TSPAN11: variants seen among roughly 807,000 people sequenced by gnomAD.
TSPAN11 encodes tetraspanin 11, also known as tetraspanin-11.
In TSPAN11, 29 loss-of-function variants were observed where a neutral mutation model predicts 32.9. The observed-to-expected ratio is 0.88, with a 90% CI of 0.66 to 1.20. The LOEUF is 1.20. Ranked by LOEUF, TSPAN11 falls within the 50% of genes most tolerant of loss-of-function variation. The probability of loss-of-function intolerance (pLI) is 0.00; values close to 1 mark genes in which losing one functional copy is unlikely to be tolerated. For missense variants in TSPAN11, 283 were observed against 329.1 expected (o/e 0.86, Z 1.08); for synonymous variants, 140 against 141.3 (o/e 0.99, Z 0.07).
chr12:30,927,163 T>C (rs899361189), intron 1 of TSPAN11, among the ~76,000 whole-genome samples: 1 of 152,236 alleles, frequency 6.6e-6, no homozygotes, highest in Non-Finnish European at 1.5e-5. Flanking sequence ...AAAATGTCAT[T>C]CTTTGTCCAC....
At chr12:30,982,505 AGCCTCT>A (rs748981732) in intron 5 of TSPAN11, 21 bp from the exon 6 acceptor site, 292 of 1,593,076 alleles carry the variant, frequency 1.8e-4, no homozygotes, top group Non-Finnish European at 2.1e-4. Flanking sequence ...TCTCACCTCC[AGCCTCT>A]GCCTCTGCCT....
chr12:30,988,176 C>T (rs1029099805), intron 7 of TSPAN11, among the ~76,000 whole-genome samples: 1 of 152,222 alleles, frequency 6.6e-6, no homozygotes, highest in Non-Finnish European at 1.5e-5. Context: ...AGTTTCAGAC[C>T]TGGACAGGAT....
chr12:30,943,414 GATT>G (rs1202853001), intron 1 of TSPAN11, among the ~76,000 whole-genome samples: 1 of 152,220 alleles, frequency 6.6e-6, no homozygotes, highest in Non-Finnish European at 1.5e-5. Context: ...TCCATCATGG[GATT>G]ATTTTTAGGA....
At chr12:30,981,510 G>A (rs912826362) in intron 5 of TSPAN11, among the ~76,000 whole-genome samples, 2 of 152,120 alleles carry the variant, frequency 1.3e-5, no homozygotes, top group African/African-American at 2.4e-5. Flanking sequence ...GCAGAGTCAC[G>A]TGGAATGTGC....
the TSPAN11 span, chr12:31,005,840 GC>G: frequency 5.1e-6 from 1 of 197,596 alleles, no homozygotes; most frequent in Non-Finnish European, 1.1e-5. Context: ...AGAAGGCCAA[GC>G]CCAGGATCTG....
chr12:30,953,477 C>T lies in TSPAN11; in HGVS notation c.-11-504C>T, dbSNP rs149034277. Among the ~76,000 whole-genome samples, 579 of 152,188 alleles carry T rather than the reference C, an allele frequency of 3.8e-3. 6 individuals carry two copies. Among genetic ancestry groups the T allele is most frequent in the African/African-American group, 0.013 (557 of 41,538 alleles). ...CCTCATCTGAAAAGTCAAGCTGCAGCGGCCAGGTGGGGTGGACTGGGTGAT... is the reference window on the plus strand; with the variant it reads ...CCTCATCTGAAAAGTCAAGCTGCAGTGGCCAGGTGGGGTGGACTGGGTGAT... On this transcript the variant is annotated intron_variant, in intron 1 of 7. Transcript: ENST00000546076.
intron 1 of TSPAN11, among the ~76,000 whole-genome samples, chr12:30,937,171 T>A (rs7979660): frequency 0.61 from 93,444 of 152,006 alleles, 29,670 homozygotes; most frequent in East Asian, 0.75. Flanking sequence ...TGACTTTGGG[T>A]TAAGTGGGCG....
chr12:30,996,607 C>G (rs578224339), downstream of TSPAN11: 10 of 152,318 alleles, frequency 6.6e-5, no homozygotes, highest in African/African-American at 2.4e-4. Flanking sequence ...GGACTACCTT[C>G]TGTTGAATTT....
rs868252606 is a variant in TSPAN11 at position 30,991,844 on chromosome 12, T to C, written c.703-12T>C. On this transcript the variant is annotated splice_polypyrimidine_tract_variant and intron_variant, in intron 7 of 7. Coordinates refer to ENST00000546076, the MANE Select transcript of TSPAN11 (RefSeq NM_001370302.1). ...GATTTCTCTTTGCTCCTCTGCTCTC[T>C]CCACCTGGCAGATCTGCGGGATGGT... 11 of 1,614,166 alleles carry C rather than the reference T, an allele frequency of 6.8e-6. No individual in the cohort carries two copies. The Middle Eastern group carries it at 1.5e-3, about 218-fold the overall frequency.
intron 7 of TSPAN11, 83 bp from the exon 8 acceptor site, chr12:30,991,773 C>A: frequency 6.8e-7 from 1 of 1,465,800 alleles, no homozygotes; most frequent in East Asian, 2.3e-5. Context: ...TTCGAGTGAG[C>A]AGCACTGCTC....
chr12:30,937,376 A>C (rs1337867678), intron 1 of TSPAN11, among the ~76,000 whole-genome samples: 1 of 152,058 alleles, frequency 6.6e-6, no homozygotes, highest in African/African-American at 2.4e-5. Context: ...TCACTATACT[A>C]GTCTTACACA....
intron 1 of TSPAN11, among the ~76,000 whole-genome samples, chr12:30,940,970 G>A (rs1222852378): frequency 6.6e-6 from 1 of 152,194 alleles, no homozygotes; most frequent in Non-Finnish European, 1.5e-5. Context: ...GATGATCAGA[G>A]GTGGAACAGT....
intron 3 of TSPAN11, among the ~76,000 whole-genome samples, chr12:30,970,275 C>T (rs1317926436): frequency 6.6e-6 from 1 of 152,204 alleles, no homozygotes; most frequent in Non-Finnish European, 1.5e-5. Flanking sequence ...CCCTAATGCC[C>T]AGTCTGGGGG....
At chr12:30,987,467 C>T (rs1939222094) in intron 7 of TSPAN11, among the ~76,000 whole-genome samples, 1 of 152,108 alleles carries the variant, frequency 6.6e-6, no homozygotes, top group Non-Finnish European at 1.5e-5. Context: ...ATTAGCTGGG[C>T]ATGGAGGCGC....
At chr12:30,957,269 C>T (rs1245534594) in intron 2 of TSPAN11, among the ~76,000 whole-genome samples, 1 of 137,556 alleles carries the variant, frequency 7.3e-6, no homozygotes, top group Non-Finnish European at 1.5e-5. Flanking sequence ...CCCCTCTGTG[C>T]TGCCAGGATC....
At chr12:30,942,779 C>G (rs1035081225) in intron 1 of TSPAN11, among the ~76,000 whole-genome samples, 3 of 151,552 alleles carry the variant, frequency 2.0e-5, no homozygotes, top group African/African-American at 7.3e-5. Flanking sequence ...GAAAACATGT[C>G]TCTCAGGGCA....
chr12:30,963,374 A>C (rs2140292562), intron 2 of TSPAN11, among the ~76,000 whole-genome samples: 1 of 152,368 alleles, frequency 6.6e-6, no homozygotes, highest in South Asian at 2.1e-4. Flanking sequence ...CATAAGGATT[A>C]AACAAGGGGC....
chr12:30,960,732 T>G (rs569212832), intron 2 of TSPAN11, among the ~76,000 whole-genome samples: 46 of 152,062 alleles, frequency 3.0e-4, no homozygotes, highest in Middle Eastern at 3.4e-3. Flanking sequence ...GGCCACAGGC[T>G]ATGGCTTTGA....
rs1322756044 is a variant in TSPAN11, at chr12:30,993,189, AGCTCCT to A, written c.*1277_*1282del. The A allele has an allele frequency of 6.6e-6, 1 of 152,144 alleles. No individual in the cohort carries two copies. The highest frequency in any genetic ancestry group is 2.4e-5 in the African/African-American group (1 of 41,414). The allele number at this position is 152,144 out of a possible 1,614,324, so 9.4% of individuals were successfully genotyped here. ...CCCACACCTGGCTTCCACCCTCCCC[AGCTCCT>A]GCACTTCTCCCCAGAGCGGGACCCT... On this transcript the variant is annotated 3_prime_UTR_variant, in exon 8 of 8. Transcript: ENST00000546076.
Sources: allele counts gnomAD v4.1 joint callset (sites outside exome capture counted in the v4.1 genomes callset), GRCh38; gene constraint gnomAD v4.1.1; transcripts MANE v1.5; gene names NCBI Gene and HGNC (gene_info 2026-07-23, HGNC 2026-07-21).